TSHZ2: variants seen among roughly 807,000 people sequenced by gnomAD.
TSHZ2 encodes teashirt zinc finger homeobox 2, also known as teashirt homolog 2.
A neutral mutation model predicts 74.4 loss-of-function variants in TSHZ2; 21 were observed. The ratio of observed to expected loss-of-function variants is 0.28; its 90% confidence interval spans 0.20 to 0.41. The LOEUF is 0.41. Among genes scored for constraint, TSHZ2 ranks in the 10% least tolerant of loss-of-function variants. TSHZ2 has a pLI of 1.00. For synonymous variants in TSHZ2, 540 were observed against 515.3 expected (o/e 1.05, Z -0.65); for missense variants, 1,244 against 1,293.5 (o/e 0.96, Z 0.59).
At chr20:53,001,224 G>GTGTGTATA (rs1555813602) in intron 1 of TSHZ2, among the ~76,000 whole-genome samples, 1 of 147,740 alleles carries the variant, frequency 6.8e-6, no homozygotes, top group African/African-American at 2.5e-5. Flanking sequence ...GTGTGTGTGT[G>GTGTGTATA]TGTGTGTGTG....
intron 2 of TSHZ2, among the ~76,000 whole-genome samples, chr20:53,409,372 C>T (rs751281138): frequency 7.9e-5 from 12 of 152,008 alleles, no homozygotes; most frequent in Non-Finnish European, 1.3e-4. Flanking sequence ...ATCAACTTTC[C>T]CAAGGCTGTC....
At chr20:53,044,863 C>T (rs1282384090) in intron 1 of TSHZ2, among the ~76,000 whole-genome samples, 2 of 152,114 alleles carry the variant, frequency 1.3e-5, no homozygotes, top group African/African-American at 2.4e-5. Context: ...GTGCACACCA[C>T]CATGCCCGGC....
Position 53,493,163 on chromosome 20 carries a change from C to T in TSHZ2, c.*6028C>T, listed in dbSNP as rs536731592. The T allele has an allele frequency of 2.6e-5, 4 of 152,294 alleles. No homozygotes were observed. The East Asian group carries it at 7.7e-4, about 29-fold the overall frequency. 9.4% of individuals were successfully genotyped at this position (152,294 alleles called of 1,614,324 possible). A position where few individuals can be genotyped will look rare whatever the true frequency, so the allele number is the denominator to read the frequency against. ...ATGAACACAGATTTTGTTATATTTG[C>T]TTGTTTCTGTTTCCTACCAAACTGG... On this transcript the variant is annotated 3_prime_UTR_variant, in exon 3 of 3. Coordinates refer to ENST00000371497, the MANE Select transcript of TSHZ2 (RefSeq NM_173485.6).
At chr20:53,372,359 C>T (rs1027520207) in intron 2 of TSHZ2, among the ~76,000 whole-genome samples, 1 of 152,168 alleles carries the variant, frequency 6.6e-6, no homozygotes, top group Non-Finnish European at 1.5e-5. Flanking sequence ...CACCTGTAGT[C>T]CCAGCCACTC....
intron 2 of TSHZ2, among the ~76,000 whole-genome samples, chr20:53,364,154 G>A (rs891021396): frequency 2.6e-5 from 4 of 152,128 alleles, no homozygotes; most frequent in Non-Finnish European, 5.9e-5. Flanking sequence ...TCGAGGGTTC[G>A]ACTCCTTGCA....
At chr20:53,380,500 G>T (rs1256665519) in intron 2 of TSHZ2, among the ~76,000 whole-genome samples, 2 of 152,152 alleles carry the variant, frequency 1.3e-5, no homozygotes, top group South Asian at 2.1e-4. Context: ...TTCCCAAATG[G>T]CTGAGGATTG....
intron 2 of TSHZ2, among the ~76,000 whole-genome samples, chr20:53,277,360 T>C (rs1033586689): frequency 1.3e-5 from 2 of 152,166 alleles, no homozygotes; most frequent in Non-Finnish European, 2.9e-5. Flanking sequence ...AAACAAGAAA[T>C]GTGGCTTCTC....
At chr20:53,342,614 G>A (rs903882916) in intron 2 of TSHZ2, among the ~76,000 whole-genome samples, 2 of 152,036 alleles carry the variant, frequency 1.3e-5, no homozygotes, top group Non-Finnish European at 2.9e-5. Flanking sequence ...CATAAGCACA[G>A]CACTGTAGAC....
chr20:53,445,143 G>A (rs763841174), intron 2 of TSHZ2, among the ~76,000 whole-genome samples: 7 of 152,218 alleles, frequency 4.6e-5, no homozygotes, highest in Non-Finnish European at 8.8e-5. Flanking sequence ...GAACTTTTCT[G>A]AATGCAGCAG....
At chr20:53,435,127 TG>T (rs1253709790) in intron 2 of TSHZ2, among the ~76,000 whole-genome samples, 1 of 152,266 alleles carries the variant, frequency 6.6e-6, no homozygotes, top group East Asian at 1.9e-4. Context: ...AATTCCCTGT[TG>T]GTTTGGAGAC....
intron 1 of TSHZ2, among the ~76,000 whole-genome samples, chr20:53,141,048 C>T (rs566070620): frequency 4.6e-5 from 7 of 152,208 alleles, no homozygotes; most frequent in South Asian, 4.2e-4. Flanking sequence ...ATGAGGTAGG[C>T]GGTATGGGAA....
chr20:53,249,782 T>C (rs1011803826), intron 1 of TSHZ2, among the ~76,000 whole-genome samples: 2 of 152,224 alleles, frequency 1.3e-5, no homozygotes, highest in African/African-American at 4.8e-5. Context: ...CTGCAGGCTC[T>C]TGTAGACCAT....
intron 2 of TSHZ2, among the ~76,000 whole-genome samples, chr20:53,466,891 T>TG (rs1375400674): frequency 1.1e-4 from 16 of 152,360 alleles, no homozygotes; most frequent in African/African-American, 3.8e-4. Flanking sequence ...TACTGAGCAA[T>TG]GTGCCTTTGG....
chr20:53,389,303 A>T (rs904310043), intron 2 of TSHZ2, among the ~76,000 whole-genome samples: 1 of 152,242 alleles, frequency 6.6e-6, no homozygotes, highest in African/African-American at 2.4e-5. Context: ...GAGATTTTCT[A>T]AGTGTAACTG....
intron 2 of TSHZ2, among the ~76,000 whole-genome samples, chr20:53,347,387 T>A (rs1260382283): frequency 2.6e-5 from 4 of 152,168 alleles, no homozygotes; most frequent in Non-Finnish European, 5.9e-5. Context: ...CAAGTGATAA[T>A]GCCTGTGACC....
At position 53,347,958 on chromosome 20, in the gene TSHZ2, C is replaced by T. The variant is rs529102525; in HGVS notation, c.*8+91387C>T. 2.0e-5 allele frequency among the ~76,000 whole-genome samples: 3 copies of T among 152,196 alleles called. No homozygotes were observed. In the East Asian group the frequency reaches 5.8e-4, roughly 29 times the overall value. ...TGACCCCGAAAAGAAACTCCCATAC[C>T]CGTAACGTGGTAACCCTACTCTTTC... On this transcript the variant is annotated intron_variant, in intron 2 of 2. Transcript: ENST00000371497.
chr20:53,451,412 C>T (rs1984780105), intron 2 of TSHZ2, among the ~76,000 whole-genome samples: 1 of 152,198 alleles, frequency 6.6e-6, no homozygotes. Context: ...CTGTGCTAAC[C>T]TCAATGACTT....
At chr20:53,364,468 A>G (rs983414571) in intron 2 of TSHZ2, among the ~76,000 whole-genome samples, 12 of 152,172 alleles carry the variant, frequency 7.9e-5, no homozygotes, top group Non-Finnish European at 4.4e-5. Context: ...TGCCTGAATG[A>G]CAGGAAGGGA....
At chr20:53,251,461 A>G (rs193206210) in intron 1 of TSHZ2, among the ~76,000 whole-genome samples, 160 of 152,360 alleles carry the variant, frequency 1.1e-3, no homozygotes, top group African/African-American at 3.8e-3. Context: ...ACCGACAGGA[A>G]TAATCTAATT....
Sources: gnomAD v4.1 joint callset for allele counts (sites outside exome capture counted in the v4.1 genomes callset) on GRCh38, gnomAD v4.1.1 for gene constraint, MANE v1.5 for transcripts, NCBI Gene and HGNC (gene_info 2026-07-23, HGNC 2026-07-21) for gene names.